LRRTM4: variants seen among roughly 807,000 people sequenced by gnomAD.
LRRTM4 encodes leucine rich repeat transmembrane neuronal 4, also known as leucine-rich repeat transmembrane neuronal protein 4.
A neutral mutation model predicts 47.6 loss-of-function variants in LRRTM4; 25 were observed. That is an observed-to-expected ratio of 0.53 (90% CI 0.38 to 0.73). LRRTM4 has a LOEUF of 0.73. Ranked by LOEUF, LRRTM4 falls within the 30% of genes least tolerant of loss-of-function variation. LRRTM4 has a pLI of 0.00. For synonymous variants in LRRTM4, 311 were observed against 269.5 expected, an observed-to-expected ratio of 1.15 and a Z score of -1.51; for missense variants, 638 against 713.4, an observed-to-expected ratio of 0.89 and a Z score of 1.20.
intron 3 of LRRTM4, among the ~76,000 whole-genome samples, chr2:76,788,662 A>G (rs192084187): frequency 3.4e-4 from 52 of 152,176 alleles, no homozygotes; most frequent in Admixed American, 1.1e-3. Context: ...ATAAGAGAGA[A>G]AAGTAATAGC....
chr2:76,986,519 TACAGAAG>T (rs1259471769), intron 3 of LRRTM4, among the ~76,000 whole-genome samples: 1 of 151,924 alleles, frequency 6.6e-6, no homozygotes, highest in Non-Finnish European at 1.5e-5. Context: ...GCTTTTACAT[TACAGAAG>T]ACATGTAACT....
intron 3 of LRRTM4, among the ~76,000 whole-genome samples, chr2:77,251,165 AT>A (rs1675597305): frequency 2.4e-5 from 1 of 40,888 alleles, no homozygotes; most frequent in African/African-American, 5.9e-5. Flanking sequence ...ATATACATAT[AT>A]ATGTGTGTGT....
At chr2:76,960,483 ATTAT>A (rs1675819302) in intron 3 of LRRTM4, among the ~76,000 whole-genome samples, 1 of 151,630 alleles carries the variant, frequency 6.6e-6, no homozygotes, top group African/African-American at 2.4e-5. Flanking sequence ...CCATCTCTTT[ATTAT>A]TTCTCTTCTC....
intron 3 of LRRTM4, among the ~76,000 whole-genome samples, chr2:77,480,668 A>G (rs1677641223): frequency 6.6e-6 from 1 of 152,180 alleles, no homozygotes; most frequent in Non-Finnish European, 1.5e-5. Context: ...GGTAAAAAAG[A>G]AAGTACAGGC....
At chr2:76,874,040 C>CCAGAGCTT (rs1335205820) in intron 3 of LRRTM4, among the ~76,000 whole-genome samples, 2 of 151,884 alleles carry the variant, frequency 1.3e-5, no homozygotes, top group African/African-American at 4.8e-5. Flanking sequence ...TTTACTCCCC[C>CCAGAGCTT]CAGAGCTTCA....
chr2:76,982,504 T>A (rs1401334407), intron 3 of LRRTM4, among the ~76,000 whole-genome samples: 2 of 152,036 alleles, frequency 1.3e-5, no homozygotes, highest in Non-Finnish European at 2.9e-5. Context: ...TTCTTTGCAA[T>A]TTTTTTGAGC....
intron 3 of LRRTM4, among the ~76,000 whole-genome samples, chr2:77,406,431 C>T (rs138023560): frequency 2.4e-4 from 36 of 152,126 alleles, no homozygotes; most frequent in African/African-American, 8.4e-4. Context: ...CAGTGATCCT[C>T]CTACCTCAAC....
At chr2:76,779,728 G>T (rs1253634771) in intron 3 of LRRTM4, among the ~76,000 whole-genome samples, 1 of 152,032 alleles carries the variant, frequency 6.6e-6, no homozygotes, top group Non-Finnish European at 1.5e-5. Flanking sequence ...TTGCCAGTCT[G>T]TGTCTTTTAA....
At chr2:77,394,868 G>A (rs1166697868) in intron 3 of LRRTM4, among the ~76,000 whole-genome samples, 1 of 151,940 alleles carries the variant, frequency 6.6e-6, no homozygotes, top group Non-Finnish European at 1.5e-5. Flanking sequence ...AGAAGAAAGT[G>A]AGTGAAATCC....
chr2:77,441,956 C>A (rs191969899), intron 3 of LRRTM4, among the ~76,000 whole-genome samples: 830 of 152,204 alleles, frequency 5.5e-3, no homozygotes, highest in Non-Finnish European at 9.6e-3. Flanking sequence ...AGAAAACTTG[C>A]AGAGGAGATG....
At chr2:77,140,265 A>C (rs1174765399) in intron 3 of LRRTM4, among the ~76,000 whole-genome samples, 1 of 152,206 alleles carries the variant, frequency 6.6e-6, no homozygotes, top group Non-Finnish European at 1.5e-5. Context: ...TGGTACTGGT[A>C]CCAAAACAAA....
chr2:76,785,950 G>GT (rs1674649002), intron 3 of LRRTM4, among the ~76,000 whole-genome samples: 1 of 152,068 alleles, frequency 6.6e-6, no homozygotes, highest in African/African-American at 2.4e-5. Context: ...GCAGCAAAAG[G>GT]TAATCAATTG....
chr2:77,510,632 C>G (rs1042975918), intron 3 of LRRTM4, among the ~76,000 whole-genome samples: 1 of 151,796 alleles, frequency 6.6e-6, no homozygotes, highest in African/African-American at 2.4e-5. Flanking sequence ...AAAATTTAGC[C>G]CAAATGGAAT....
chr2:76,769,883 C>A (rs1031871431), intron 3 of LRRTM4, among the ~76,000 whole-genome samples: 1 of 151,586 alleles, frequency 6.6e-6, no homozygotes, highest in African/African-American at 2.4e-5. Context: ...AAAATAATAC[C>A]TTTTTTTCAG....
chr2:77,416,681 C>T (rs974663503), intron 3 of LRRTM4, among the ~76,000 whole-genome samples: 11 of 151,882 alleles, frequency 7.2e-5, no homozygotes, highest in Non-Finnish European at 1.3e-4. Context: ...TCAGACAAAA[C>T]CACCAGAAAT....
At chr2:77,521,117 C>A (rs1474733030) in intron 2 of LRRTM4, among the ~76,000 whole-genome samples, 1 of 151,776 alleles carries the variant, frequency 6.6e-6, no homozygotes, top group Non-Finnish European at 1.5e-5. Flanking sequence ...AAATACATTC[C>A]AGCTCTCCCA....
At chr2:76,896,814 C>T (rs1215842293) in intron 3 of LRRTM4, among the ~76,000 whole-genome samples, 1 of 148,072 alleles carries the variant, frequency 6.8e-6, no homozygotes, top group East Asian at 2.0e-4. Flanking sequence ...TATGATGTTT[C>T]CTTGTACCAG....
intron 3 of LRRTM4, among the ~76,000 whole-genome samples, chr2:77,483,913 T>C (rs1276150070): frequency 1.2e-4 from 18 of 152,144 alleles, no homozygotes; most frequent in Admixed American, 1.2e-3. Context: ...TATCAGAGAG[T>C]CTATCTGTCA....
chr2:76,788,963 T>A (rs967416294), intron 3 of LRRTM4, among the ~76,000 whole-genome samples: 2 of 152,186 alleles, frequency 1.3e-5, no homozygotes, highest in African/African-American at 4.8e-5. Context: ...ATTGTACAGA[T>A]GAGAAAGCTG....
Sources: allele counts gnomAD v4.1 joint callset (sites outside exome capture counted in the v4.1 genomes callset), GRCh38; gene constraint gnomAD v4.1.1; transcripts MANE v1.5; gene names NCBI Gene and HGNC (gene_info 2026-07-23, HGNC 2026-07-21).